The following ASIC2 variants were observed in gnomAD, a reference collection of about 807,000 sequenced individuals.
ASIC2 encodes acid-sensing ion channel 2.
ASIC2 carries 25 observed loss-of-function variants against 57.3 expected under a neutral mutation model. That is an observed-to-expected ratio of 0.44 (90% CI 0.32 to 0.61). ASIC2 has a LOEUF of 0.61. Among genes scored for constraint, ASIC2 ranks in the 20% least tolerant of loss-of-function variants. ASIC2 has a pLI of 0.06. For synonymous variants in ASIC2, 319 were observed against 307.5 expected (o/e 1.04, Z -0.39); for missense variants, 641 against 738.1 (o/e 0.87, Z 1.52).
chr17:33,377,210 C>A (rs1175068628), intron 1 of ASIC2, among the ~76,000 whole-genome samples: 1 of 152,096 alleles, frequency 6.6e-6, no homozygotes, highest in African/African-American at 2.4e-5. Context: ...GCTACCACAT[C>A]CAGCTAATTT....
intron 1 of ASIC2, among the ~76,000 whole-genome samples, chr17:33,783,754 C>T (rs1911524203): frequency 6.6e-6 from 1 of 152,298 alleles, no homozygotes; most frequent in East Asian, 1.9e-4. Context: ...CCATGGAAAC[C>T]CCTGGATTCT....
chr17:33,982,371 GTT>G, intron 1 of ASIC2, among the ~76,000 whole-genome samples: 1 of 152,210 alleles, frequency 6.6e-6, no homozygotes, highest in East Asian at 1.9e-4. Flanking sequence ...GTGCTCCCTG[GTT>G]TCTTAATGGG....
Position 33,870,287 on chromosome 17 carries a change from C to T in ASIC2, c.555+285691G>A, listed in dbSNP as rs1914367775. ...CTTCATCAAAGGCTCTCTGTGGTTG[C>T]TGTTTGGAGAATGGGTTTGGGAGAG... On this transcript the variant is annotated intron_variant, in intron 1 of 9. Transcript: ENST00000359872. 3.8e-5 allele frequency among the ~76,000 whole-genome samples: 3 copies of T among 78,632 alleles called. No individual in the cohort carries two copies. The South Asian group carries it at 1.8e-3, about 47-fold the overall frequency. The allele number at this position is 78,632 out of a possible 152,430, so 51.6% of individuals were successfully genotyped here.
intron 1 of ASIC2, among the ~76,000 whole-genome samples, chr17:33,128,497 G>A (rs1342252453): frequency 1.3e-5 from 2 of 152,162 alleles, no homozygotes; most frequent in African/African-American, 4.8e-5. Context: ...GTGTCCTTGG[G>A]CTCCACACCC....
intron 1 of ASIC2, among the ~76,000 whole-genome samples, chr17:33,954,681 A>C (rs199793833): frequency 1.1e-3 from 173 of 152,186 alleles, no homozygotes; most frequent in African/African-American, 3.8e-3. Flanking sequence ...CTCTGACTTC[A>C]CCCCCAGCTC....
At chr17:33,521,364 G>T (rs1226894763) in intron 1 of ASIC2, among the ~76,000 whole-genome samples, 1 of 152,198 alleles carries the variant, frequency 6.6e-6, no homozygotes, top group African/African-American at 2.4e-5. Context: ...GCCACTCGGG[G>T]CCAGCCTTGC....
intron 1 of ASIC2, among the ~76,000 whole-genome samples, chr17:34,044,100 TCACA>T (rs542633112): frequency 0.011 from 1,667 of 146,320 alleles, 11 homozygotes; most frequent in Non-Finnish European, 0.015. Flanking sequence ...TACCCTTGAA[TCACA>T]CACACACACA....
chr17:33,228,146 C>T (rs1390074891), intron 1 of ASIC2, among the ~76,000 whole-genome samples: 1 of 152,158 alleles, frequency 6.6e-6, no homozygotes, highest in Non-Finnish European at 1.5e-5. Context: ...GCCTCCTGTG[C>T]TGTCTTATTG....
chr17:33,221,023 C>T (rs1006122449), intron 1 of ASIC2, among the ~76,000 whole-genome samples: 1 of 152,074 alleles, frequency 6.6e-6, no homozygotes, highest in Non-Finnish European at 1.5e-5. Flanking sequence ...AGTGAGCTGA[C>T]TTACACCATT....
intron 1 of ASIC2, among the ~76,000 whole-genome samples, chr17:33,477,854 C>T (rs1435602196): frequency 6.6e-6 from 1 of 152,172 alleles, no homozygotes; most frequent in Non-Finnish European, 1.5e-5. Context: ...TCATTTCAGG[C>T]AGAGAAAGAC....
intron 1 of ASIC2, among the ~76,000 whole-genome samples, chr17:33,989,403 C>T (rs2142008864): frequency 6.6e-6 from 1 of 151,898 alleles, no homozygotes; most frequent in East Asian, 1.9e-4. Context: ...GGGACTTGGC[C>T]CATCTGGAAA....
chr17:33,838,339 G>A (rs1171465466), intron 1 of ASIC2, among the ~76,000 whole-genome samples: 1 of 152,154 alleles, frequency 6.6e-6, no homozygotes, highest in African/African-American at 2.4e-5. Context: ...GTGTTCGAGA[G>A]TATTGGTCCT....
At chr17:33,745,760 G>A (rs979815384) in intron 1 of ASIC2, among the ~76,000 whole-genome samples, 1 of 152,054 alleles carries the variant, frequency 6.6e-6, no homozygotes, top group Non-Finnish European at 1.5e-5. Context: ...AAAATTGAGA[G>A]AATTCATTGC....
intron 1 of ASIC2, among the ~76,000 whole-genome samples, chr17:33,486,150 C>T (rs1005607684): frequency 3.9e-5 from 6 of 152,224 alleles, no homozygotes; most frequent in African/African-American, 1.2e-4. Flanking sequence ...TTGCCCCTCA[C>T]CTTGACCCAG....
At chr17:33,532,016 G>A (rs1915066910) in intron 1 of ASIC2, among the ~76,000 whole-genome samples, 1 of 152,166 alleles carries the variant, frequency 6.6e-6, no homozygotes, top group Non-Finnish European at 1.5e-5. Context: ...GACACTTTCA[G>A]GTCTTTTTTA....
rs1910555574 is a variant in ASIC2 at position 34,096,624 on chromosome 17, GCAGGCGGAT to G, written c.555+59345_555+59353del. Among the ~76,000 whole-genome samples the G allele has an allele frequency of 2.0e-5, 3 of 152,168 alleles. No individual in the cohort carries two copies. The South Asian group carries it at 6.2e-4, about 32-fold the overall frequency. On this transcript the variant is annotated intron_variant, in intron 1 of 9. Coordinates refer to the ASIC2 transcript ENST00000359872. ...AATGCCAGCACTTTGGGAGGCCCAGGCAGGCGGATCACGAGGTCAGGAGATCATGACCAT... is the reference window on the plus strand; with the variant it reads ...AATGCCAGCACTTTGGGAGGCCCAGGCACGAGGTCAGGAGATCATGACCAT...
intron 2 of ASIC2, among the ~76,000 whole-genome samples, chr17:33,094,916 T>C: frequency 6.6e-6 from 1 of 152,236 alleles, no homozygotes; most frequent in East Asian, 1.9e-4. Context: ...GACAAATTGA[T>C]TAAATACTTG....
At chr17:33,168,026 G>T (rs1905368934) in intron 1 of ASIC2, among the ~76,000 whole-genome samples, 1 of 152,228 alleles carries the variant, frequency 6.6e-6, no homozygotes, top group African/African-American at 2.4e-5. Context: ...CAATATTGCA[G>T]AATTGGGTTA....
intron 3 of ASIC2, among the ~76,000 whole-genome samples, chr17:33,072,296 T>C (rs1308302859): frequency 2.6e-5 from 4 of 152,200 alleles, no homozygotes; most frequent in Non-Finnish European, 5.9e-5. Flanking sequence ...TCTTGAATAA[T>C]TGTTTTTCAT....
Sources: allele counts gnomAD v4.1 joint callset (sites outside exome capture counted in the v4.1 genomes callset), GRCh38; gene constraint gnomAD v4.1.1; transcripts MANE v1.5; gene names NCBI Gene and HGNC (gene_info 2026-07-23, HGNC 2026-07-21).